SDK2: variants seen among roughly 807,000 people sequenced by gnomAD.
SDK2 encodes protein sidekick-2.
A neutral mutation model predicts 253.9 loss-of-function variants in SDK2; 105 were observed. The observed-to-expected ratio is 0.41, with a 90% confidence interval of 0.35 to 0.49. SDK2 has a LOEUF of 0.49. Among genes scored for constraint, SDK2 ranks in the 20% least tolerant of loss-of-function variants. The probability of loss-of-function intolerance (pLI) is 0.06; values close to 1 mark genes in which losing one functional copy is unlikely to be tolerated. For synonymous variants in SDK2, 1,249 were observed against 1,234.9 expected (o/e 1.01, Z -0.24); for missense variants, 2,608 against 3,003.0 (o/e 0.87, Z 3.07).
chr17:73,644,060 A>G lies in SDK2; in HGVS notation c.29T>C (p.Leu10Pro). 6.5e-7 allele frequency: 1 copy of G among 1,550,344 alleles called. No individual in the cohort carries two copies. The highest frequency in any genetic ancestry group is 2.5e-5 in the East Asian group (1 of 40,756). The change falls in exon 1 of 45, where the codon CTA becomes CCA. Residue 10 changes from leucine to proline, a missense_variant. Transcript: ENST00000392650. This position sits in a 1 kb window ranked among gnomAD's most constrained non-coding sequence, Gnocchi z 6.3. Reference protein sequence around the residue: MWGLLIWTLLALHQIRAARA... With the variant: MWGLLIWTLPALHQIRAARA... ...GGCCGCGCGGATCTGATGCAGAGCT[A>G]GCAGTGTCCAGATCAAAAGCCCCCA... is the stretch of plus-strand genomic sequence containing the variant.
At chr17:73,571,027 C>A (rs2045378114) in intron 1 of SDK2, among the ~76,000 whole-genome samples, 1 of 151,410 alleles carries the variant, frequency 6.6e-6, no homozygotes, top group African/African-American at 2.4e-5. Context: ...GAACTCTGGG[C>A]CAGCAGGAGT....
chr17:73,352,703 C>T lies in SDK2; in HGVS notation c.5594-66G>A, dbSNP rs747712397. ...AAGCCCCAAATCCCGCTCCCAGCCC[C>T]GTTCTGACTATGCTCCCTGAGGGCT... On this transcript the variant is annotated intron_variant, in intron 40 of 44. Transcript: ENST00000392650. The surrounding 1 kb of genome is among the most constrained non-coding windows in gnomAD (Gnocchi z 4.1). 4.7e-5 allele frequency: 72 copies of T among 1,540,674 alleles called. No homozygotes were observed. The highest frequency in any genetic ancestry group is 8.2e-5 in the African/African-American group (6 of 73,540).
chr17:73,401,226 C>T lies in SDK2; in HGVS notation c.2780-15G>A, dbSNP rs555284148. On this transcript the variant is annotated splice_polypyrimidine_tract_variant and intron_variant, in intron 20 of 44. Coordinates refer to ENST00000392650, the MANE Select transcript of SDK2 (RefSeq NM_001144952.2). Reference sequence around the variant, plus strand: ...GATCCGGTACCCTGGGGAGAGCCGCCGTGTTGGCATGAGCTTGGCTGTGAT... The same window carrying T: ...GATCCGGTACCCTGGGGAGAGCCGCTGTGTTGGCATGAGCTTGGCTGTGAT... 38 of 1,536,714 alleles carry T rather than the reference C, an allele frequency of 2.5e-5. 1 individual carries two copies. Among genetic ancestry groups the T allele is most frequent in the South Asian group, 2.1e-4 (17 of 82,148 alleles).
At position 73,382,278 on chromosome 17, in the gene SDK2, G is replaced by T. The variant is rs993666801; in HGVS notation, c.4706-1328C>A. Among the ~76,000 whole-genome samples the T allele has an allele frequency of 1.3e-3, 205 of 152,106 alleles. 1 individual carries two copies. The highest frequency in any genetic ancestry group is 4.7e-3 in the African/African-American group (193 of 41,496). On this transcript the variant is annotated intron_variant, in intron 33 of 44. Transcript: ENST00000392650. ...GACCCCTCTCCTGCTAGTCTGTTTGGGTGAGTGTCCCACACCCACCTGAGT... is the reference window on the plus strand; with the variant it reads ...GACCCCTCTCCTGCTAGTCTGTTTGTGTGAGTGTCCCACACCCACCTGAGT...
At chr17:73,626,065 G>A (rs918034421) in intron 1 of SDK2, among the ~76,000 whole-genome samples, 5 of 143,666 alleles carry the variant, frequency 3.5e-5, no homozygotes, top group Non-Finnish European at 6.4e-5. Context: ...CCTGAGCACT[G>A]AGCGAGACAG....
At chr17:73,520,273 C>T (rs575784015) in intron 1 of SDK2, 1 of 152,468 alleles carries the variant, frequency 6.6e-6, no homozygotes, top group Admixed American at 6.5e-5. Context: ...GCCCTGGTCA[C>T]CTTCTTTATC....
At chr17:73,480,593 C>T (rs368131630) in intron 2 of SDK2, among the ~76,000 whole-genome samples, 1 of 152,046 alleles carries the variant, frequency 6.6e-6, no homozygotes, top group African/African-American at 2.4e-5. Context: ...CTGGTAGCAG[C>T]CCTAAGGATC....
At chr17:73,367,206 A>C (rs2062692746) in intron 37 of SDK2, among the ~76,000 whole-genome samples, 2 of 152,084 alleles carry the variant, frequency 1.3e-5, no homozygotes, top group South Asian at 4.1e-4. Flanking sequence ...ATAGGGTTTC[A>C]TCATGTTGGC....
At chr17:73,586,099 C>T (rs1411415306) in intron 1 of SDK2, among the ~76,000 whole-genome samples, 2 of 152,172 alleles carry the variant, frequency 1.3e-5, no homozygotes, top group African/African-American at 4.8e-5. Flanking sequence ...GCCTCATGGG[C>T]TATTGTAGGG....
At chr17:73,483,750 C>T in intron 2 of SDK2, among the ~76,000 whole-genome samples, 1 of 136,158 alleles carries the variant, frequency 7.3e-6, no homozygotes, top group African/African-American at 2.8e-5. Flanking sequence ...ACCACGTTGG[C>T]CAGGCTGGTC....
intron 40 of SDK2, among the ~76,000 whole-genome samples, chr17:73,353,412 C>T (rs1454327839): frequency 2.0e-5 from 3 of 152,074 alleles, no homozygotes; most frequent in Admixed American, 6.6e-5. Flanking sequence ...AAAATAAGAG[C>T]GCTATTTTTC....
At chr17:73,448,484 C>A (rs2063468761) in intron 4 of SDK2, among the ~76,000 whole-genome samples, 1 of 152,074 alleles carries the variant, frequency 6.6e-6, no homozygotes, top group African/African-American at 2.4e-5. Flanking sequence ...CCTGCCTCAG[C>A]CTCCCGAGTA....
chr17:73,543,501 C>T (rs1253707548), intron 1 of SDK2, among the ~76,000 whole-genome samples: 1 of 152,234 alleles, frequency 6.6e-6, no homozygotes, highest in Non-Finnish European at 1.5e-5. Flanking sequence ...TTCCTCCTCC[C>T]ACCAGACAGA....
At chr17:73,406,233 G>A (rs1284966282) in intron 18 of SDK2, among the ~76,000 whole-genome samples, 1 of 146,190 alleles carries the variant, frequency 6.8e-6, no homozygotes, top group Non-Finnish European at 1.5e-5. Flanking sequence ...GGCTAAGAAG[G>A]GCCTACTACA....
Position 73,352,210 on chromosome 17 carries a change from C to T in SDK2, c.5758+263G>A, listed in dbSNP as rs551532638. 1.9e-4 allele frequency among the ~76,000 whole-genome samples: 29 copies of T among 152,276 alleles called. No individual in the cohort carries two copies. Among genetic ancestry groups the T allele is most frequent in the Non-Finnish European group, 3.4e-4 (23 of 68,004 alleles). ...CATGGAAGTTTGCATCTTGGGCCCT[C>T]TGCTCTGCCCCTACCCAGGGCTTCT... is the stretch of plus-strand genomic sequence containing the variant. On this transcript the variant is annotated intron_variant, in intron 41 of 44. Coordinates refer to ENST00000392650, the MANE Select transcript of SDK2 (RefSeq NM_001144952.2). This position sits in a 1 kb window ranked among gnomAD's most constrained non-coding sequence, Gnocchi z 4.1.
At chr17:73,571,542 G>C (rs1189639768) in intron 1 of SDK2, among the ~76,000 whole-genome samples, 1 of 152,150 alleles carries the variant, frequency 6.6e-6, no homozygotes, top group Non-Finnish European at 1.5e-5. Flanking sequence ...GTGGCCCCCC[G>C]GGCGCTCTAA....
chr17:73,524,566 C>T (rs1287125482), intron 1 of SDK2, among the ~76,000 whole-genome samples: 1 of 152,204 alleles, frequency 6.6e-6, no homozygotes, highest in East Asian at 1.9e-4. Flanking sequence ...ACCTACTGTG[C>T]CCTCTTCCCT....
At position 73,496,554 on chromosome 17, in the gene SDK2, GACAGGACCCGGTGAT is replaced by G. The variant is rs1427971067; in HGVS notation, c.224+10869_224+10883del. On this transcript the variant is annotated intron_variant, in intron 2 of 44. Transcript: ENST00000392650. This position sits in a 1 kb window ranked among gnomAD's most constrained non-coding sequence, Gnocchi z 4.7. Reference sequence around the variant, plus strand: ...AGTGAGAGAGGAGGCTGGACAGATGGACAGGACCCGGTGATACAGGGTCTTGTACTCCCTCGACCA... The same window carrying G: ...AGTGAGAGAGGAGGCTGGACAGATGGACAGGGTCTTGTACTCCCTCGACCA... Among the ~76,000 whole-genome samples, 1 of 152,114 alleles carries G rather than the reference GACAGGACCCGGTGAT, an allele frequency of 6.6e-6. No homozygotes were observed. The highest frequency in any genetic ancestry group is 2.4e-5 in the African/African-American group (1 of 41,424).
chr17:73,494,287 C>T (rs1475236430), intron 2 of SDK2, among the ~76,000 whole-genome samples: 1 of 152,170 alleles, frequency 6.6e-6, no homozygotes, highest in Non-Finnish European at 1.5e-5. Flanking sequence ...CCACTCAGGG[C>T]CACCATGTCC....
Sources: gnomAD v4.1 joint callset for allele counts (sites outside exome capture counted in the v4.1 genomes callset) on GRCh38, gnomAD v4.1.1 for gene constraint, Gnocchi (gnomAD v3.1) non-coding constraint, MANE v1.5 for transcripts, NCBI Gene and HGNC (gene_info 2026-07-23, HGNC 2026-07-21) for gene names.